CKAP5: variants seen among roughly 807,000 people sequenced by gnomAD.
The protein encoded by CKAP5 is cytoskeleton-associated protein 5.
In CKAP5, 27 loss-of-function variants were observed where a neutral mutation model predicts 232.8. That is an observed-to-expected ratio of 0.12 (90% CI 0.09 to 0.16). The LOEUF (loss-of-function observed/expected upper bound fraction) is 0.16. Among genes scored for constraint, CKAP5 ranks in the 10% least tolerant of loss-of-function variants. The probability of loss-of-function intolerance (pLI) is 1.00; values close to 1 mark genes in which losing one functional copy is unlikely to be tolerated. For synonymous variants in CKAP5, 785 were observed against 841.1 expected, an observed-to-expected ratio of 0.93 and a Z score of 1.16; for missense variants, 1,838 against 2,424.7, an observed-to-expected ratio of 0.76 and a Z score of 5.08.
chr11:46,817,250 G>A (rs911121639), intron 3 of CKAP5, among the ~76,000 whole-genome samples: 2 of 152,150 alleles, frequency 1.3e-5, no homozygotes, highest in African/African-American at 2.4e-5. Flanking sequence ...GAGTAGCTAG[G>A]ACTACAGGCA....
intron 9 of CKAP5, among the ~76,000 whole-genome samples, chr11:46,798,964 C>T (rs964561974): frequency 6.6e-6 from 1 of 152,194 alleles, no homozygotes; most frequent in Admixed American, 6.5e-5. Context: ...GTATCTTATG[C>T]CGGAACAATG....
At chr11:46,794,375 G>A (rs947255869) in intron 13 of CKAP5, among the ~76,000 whole-genome samples, 2 of 152,112 alleles carry the variant, frequency 1.3e-5, no homozygotes, top group Non-Finnish European at 2.9e-5. Flanking sequence ...GAGGTGGGAG[G>A]ATTGCTTGAG....
intron 27 of CKAP5, among the ~76,000 whole-genome samples, chr11:46,766,432 T>A (rs2065202932): frequency 6.6e-6 from 1 of 152,172 alleles, no homozygotes; most frequent in Admixed American, 6.5e-5. Context: ...ATTACCCATT[T>A]AAATTAATTC....
At chr11:46,796,474 A>G (rs1938878160) in intron 12 of CKAP5, among the ~76,000 whole-genome samples, 1 of 152,160 alleles carries the variant, frequency 6.6e-6, no homozygotes, top group Non-Finnish European at 1.5e-5. Flanking sequence ...TTCTACAATT[A>G]TCACCATCAT....
chr11:46,789,553 T>G (rs911729328), intron 15 of CKAP5, among the ~76,000 whole-genome samples: 3 of 152,042 alleles, frequency 2.0e-5, no homozygotes, highest in African/African-American at 7.2e-5. Flanking sequence ...TCCCAGCACT[T>G]TGGGAGGCTG....
At chr11:46,791,696 T>A (rs557592847) in intron 13 of CKAP5, among the ~76,000 whole-genome samples, 1 of 151,956 alleles carries the variant, frequency 6.6e-6, no homozygotes, top group East Asian at 1.9e-4. Context: ...TTCATTCCAC[T>A]CCAGTTTTCA....
chr11:46,838,793 CAAAAAA>C (rs71042626), intron 1 of CKAP5, among the ~76,000 whole-genome samples: 33 of 45,924 alleles, frequency 7.2e-4, no homozygotes, highest in East Asian at 5.3e-3. Context: ...GACCCCATCT[CAAAAAA>C]AAAAAAAAAA....
intron 1 of CKAP5, among the ~76,000 whole-genome samples, chr11:46,824,359 A>G (rs1939606830): frequency 1.3e-5 from 2 of 152,216 alleles, no homozygotes; most frequent in African/African-American, 4.8e-5. Flanking sequence ...GAATAGTTTA[A>G]CAGTCTGGAA....
Position 46,811,145 on chromosome 11 carries a change from T to C in CKAP5, c.492A>G (p.Pro164=), listed in dbSNP as rs1222720343. The C allele has an allele frequency of 6.2e-7, 1 of 1,613,834 alleles. No individual in the cohort carries two copies. Among genetic ancestry groups the C allele is most frequent in the South Asian group, 1.1e-5 (1 of 90,960 alleles). ...AGAGTTTTGGCAACACTTTGATAAT[T>C]GGCTTAAGCAAGATGATTTTGGAAC... ...EFGSKIILLK[P]IIKVLPKLFE... Residue 164 remains proline, a synonymous_variant, in exon 5 of 44, where the codon CCA becomes CCG. Transcript: ENST00000529230.
At chr11:46,842,855 T>G (rs1272590980) in intron 1 of CKAP5, among the ~76,000 whole-genome samples, 3 of 149,066 alleles carry the variant, frequency 2.0e-5, no homozygotes, top group Non-Finnish European at 4.4e-5. Context: ...TAGTCCCAGC[T>G]ACTTGGGAGG....
At chr11:46,799,568 AGTATTAAG>A (rs1938977895) in intron 9 of CKAP5, among the ~76,000 whole-genome samples, 1 of 152,232 alleles carries the variant, frequency 6.6e-6, no homozygotes, top group Admixed American at 6.5e-5. Context: ...CATATATTAC[AGTATTAAG>A]GTGGGGGAGA....
chr11:46,768,207 T>G (rs939956152), intron 26 of CKAP5, among the ~76,000 whole-genome samples: 1 of 152,170 alleles, frequency 6.6e-6, no homozygotes, highest in African/African-American at 2.4e-5. Context: ...GTTTCATTTG[T>G]TTGTTTAGAC....
chr11:46,775,262 G>A (rs2065281043), intron 24 of CKAP5, among the ~76,000 whole-genome samples: 1 of 152,166 alleles, frequency 6.6e-6, no homozygotes, highest in South Asian at 2.1e-4. Flanking sequence ...TTAGAGAAAT[G>A]CAAATCAAAA....
At chr11:46,789,352 G>A (rs2065426304) in intron 15 of CKAP5, among the ~76,000 whole-genome samples, 1 of 152,168 alleles carries the variant, frequency 6.6e-6, no homozygotes, top group Non-Finnish European at 1.5e-5. Flanking sequence ...ACAGGTTTTT[G>A]AGAGGTTTTC....
chr11:46,768,585 G>A (rs2134602468), intron 26 of CKAP5, among the ~76,000 whole-genome samples: 1 of 152,068 alleles, frequency 6.6e-6, no homozygotes, highest in East Asian at 1.9e-4. Context: ...GTTTTACACA[G>A]GTAAAATTTT....
At chr11:46,765,071 A>C (rs1042886034) in intron 28 of CKAP5, 60 bp downstream of exon 28, 9 of 1,520,988 alleles carry the variant, frequency 5.9e-6, no homozygotes, top group African/African-American at 1.4e-5. Flanking sequence ...CAGACAGCAA[A>C]ACTATTCTTG....
rs141225769 is a variant in CKAP5 at position 46,762,168 on chromosome 11, C to T, written c.4053G>A (p.Leu1351=). 840 of 1,613,858 alleles carry T rather than the reference C, an allele frequency of 5.2e-4. 2 individuals carry two copies. The highest frequency in any genetic ancestry group is 3.2e-4 in the Non-Finnish European group (379 of 1,179,846). Reference sequence around the variant, plus strand: ...AAACATTCATGCCATAGGACTCAACCAGACATCCCAGCTCTTCCAGGCACT... The same window carrying T: ...AAACATTCATGCCATAGGACTCAACTAGACATCCCAGCTCTTCCAGGCACT... The part of the protein sequence containing the change: ...RAECLEELGC[L]VESYGMNVCQ... Residue 1351 remains leucine, a synonymous_variant, in exon 32 of 44, where the codon CTG becomes CTA. Coordinates refer to ENST00000529230, the MANE Select transcript of CKAP5 (RefSeq NM_001008938.4).
In CKAP5 at chr11:46,753,895, T is replaced by G. The variant is rs187859261; in HGVS notation, c.4870-398A>C. Among the ~76,000 whole-genome samples, 227 of 151,380 alleles carry G rather than the reference T, an allele frequency of 1.5e-3. 1 individual carries two copies. The highest frequency in any genetic ancestry group is 4.5e-3 in the Admixed American group (68 of 15,188). ...GCGTGAGCCACCGCGCCCGGCTATG[T>G]TATATTTGTAAAAATTCAGAGTATT... On this transcript the variant is annotated intron_variant, in intron 36 of 43. Transcript: ENST00000529230.
rs149073277 is a variant in CKAP5 at position 46,769,564 on chromosome 11, C to T, written c.3322+399G>A. On this transcript the variant is annotated intron_variant, in intron 26 of 43. Transcript: ENST00000529230. ...TAAAAAATTTAGCCAGGTGTGATGGCGCATGCCTGTAGTCCCAGCAACTTG... is the reference window on the plus strand; with the variant it reads ...TAAAAAATTTAGCCAGGTGTGATGGTGCATGCCTGTAGTCCCAGCAACTTG... 2.8e-3 allele frequency among the ~76,000 whole-genome samples: 424 copies of T among 152,004 alleles called. 2 individuals carry two copies. Among genetic ancestry groups the T allele is most frequent in the African/African-American group, 9.6e-3 (398 of 41,454 alleles).
Sources: gnomAD v4.1 joint callset for allele counts (sites outside exome capture counted in the v4.1 genomes callset) on GRCh38, gnomAD v4.1.1 for gene constraint, MANE v1.5 for transcripts, NCBI Gene and HGNC (gene_info 2026-07-23, HGNC 2026-07-21) for gene names.